CELF2: variants seen among roughly 807,000 people sequenced by gnomAD.
CELF2 encodes CUG triplet repeat RNA-binding protein 2.
Under a neutral mutation model 62.6 loss-of-function variants are expected in CELF2, and 8 were observed. That is an observed-to-expected ratio of 0.13 (90% CI 0.07 to 0.23). CELF2 has a LOEUF of 0.23. CELF2 is among the 10% of genes least tolerant of loss of function. The probability of loss-of-function intolerance (pLI) is 1.00; values close to 1 mark genes in which losing one functional copy is unlikely to be tolerated. For synonymous variants in CELF2, 258 were observed against 250.0 expected, an observed-to-expected ratio of 1.03 and a Z score of -0.30; for missense variants, 333 against 671.0, an observed-to-expected ratio of 0.50 and a Z score of 5.56.
At chr10:10,625,308 G>A in the CELF2 span, among the ~76,000 whole-genome samples, 2 of 152,260 alleles carry the variant, frequency 1.3e-5, no homozygotes, top group African/African-American at 4.8e-5. Flanking sequence ...CACAAGAACG[G>A]CAACAGCAAC....
At chr10:10,498,609 G>C in the CELF2 span, among the ~76,000 whole-genome samples, 3 of 152,200 alleles carry the variant, frequency 2.0e-5, no homozygotes, top group Non-Finnish European at 4.4e-5. Context: ...TTTTCAGCAA[G>C]TGTTATCTTG....
the CELF2 span, among the ~76,000 whole-genome samples, chr10:10,626,711 T>C: frequency 6.6e-6 from 1 of 152,234 alleles, no homozygotes; most frequent in East Asian, 1.9e-4. Flanking sequence ...CAGTTTATTG[T>C]CTATTTGGTG....
rs991269272 is a variant in CELF2, at chr10:11,012,415, C to T, written c.53+6975C>T. ...TGTATTTGTTCAGAAAAAGGACAGA[C>T]ATTCAGGCACATGGGCTGTCATGCC... On this transcript the variant is annotated intron_variant, in intron 1 of 12. Coordinates refer to the CELF2 transcript ENST00000416382. This position sits in a 1 kb window ranked among gnomAD's most constrained non-coding sequence, Gnocchi z 5.5. Among the ~76,000 whole-genome samples, 4 of 152,190 alleles carry T rather than the reference C, an allele frequency of 2.6e-5. No individual in the cohort carries two copies. Among genetic ancestry groups the T allele is most frequent in the African/African-American group, 7.2e-5 (3 of 41,442 alleles).
intron 2 of CELF2, among the ~76,000 whole-genome samples, chr10:11,173,934 A>G (rs1367155381): frequency 6.6e-6 from 1 of 152,218 alleles, no homozygotes; most frequent in African/African-American, 2.4e-5. Flanking sequence ...GAAAATAGAA[A>G]TGATGACGAT....
intron 3 of CELF2, among the ~76,000 whole-genome samples, chr10:11,245,890 GC>G (rs2075446955): frequency 6.6e-6 from 1 of 152,232 alleles, no homozygotes; most frequent in African/African-American, 2.4e-5. Flanking sequence ...TTATGGAGAA[GC>G]AGTGTGGTTT....
chr10:10,770,929 C>T, the CELF2 span, among the ~76,000 whole-genome samples: 4 of 152,042 alleles, frequency 2.6e-5, no homozygotes, highest in African/African-American at 9.7e-5. Context: ...AATACTAAGC[C>T]CCTCTGGGCT....
At chr10:10,506,844 C>T in the CELF2 span, among the ~76,000 whole-genome samples, 5 of 151,480 alleles carry the variant, frequency 3.3e-5, no homozygotes, top group African/African-American at 1.2e-4. Context: ...TTTGTATTTT[C>T]AGTAAAGACG....
intron 1 of CELF2, among the ~76,000 whole-genome samples, chr10:11,116,377 G>C (rs1461317137): frequency 6.6e-6 from 1 of 152,194 alleles, no homozygotes; most frequent in Non-Finnish European, 1.5e-5. Flanking sequence ...AACTTAACAT[G>C]GTCAAGAAGC....
chr10:10,569,583 G>A, the CELF2 span, among the ~76,000 whole-genome samples: 327 of 152,294 alleles, frequency 2.1e-3, no homozygotes, highest in Non-Finnish European at 3.8e-3. Flanking sequence ...TGTGAAGCTA[G>A]GGTTAAGATG....
the CELF2 span, among the ~76,000 whole-genome samples, chr10:10,494,194 ACT>A: frequency 2.0e-5 from 3 of 152,066 alleles, no homozygotes; most frequent in African/African-American, 7.2e-5. Flanking sequence ...TGCAGGAATC[ACT>A]CTCTCTCCAG....
In CELF2 at chr10:11,299,058, A is replaced by AGG. The variant is rs546755389; in HGVS notation, c.976+10508_976+10509dup. Among the ~76,000 whole-genome samples the AGG allele has an allele frequency of 2.6e-3, 400 of 152,322 alleles. 1 individual carries two copies. Among genetic ancestry groups the AGG allele is most frequent in the African/African-American group, 9.0e-3 (374 of 41,568 alleles). ...TTCTGCTTTTGTGTTCTGCTGTTCA[A>AGG]GGGAACGGGGAACTTTCTACCTACC... On this transcript the variant is annotated intron_variant, in intron 9 of 12. Coordinates refer to ENST00000633077, the MANE Select transcript of CELF2 (RefSeq NM_001326342.2).
Position 11,156,729 on chromosome 10 carries a change from C to T in CELF2, c.75-8757C>T, listed in dbSNP as rs1030079875. Among the ~76,000 whole-genome samples the T allele has an allele frequency of 6.6e-6, 1 of 152,212 alleles. No individual in the cohort carries two copies. ...TGCACTTGATGGGGCTTCCGTGAAT[C>T]GCTGTTTCTGAGGTTCCGCGGTCAG... On this transcript the variant is annotated intron_variant, in intron 1 of 12. Coordinates refer to ENST00000633077, the MANE Select transcript of CELF2 (RefSeq NM_001326342.2). The surrounding 1 kb of genome is among the most constrained non-coding windows in gnomAD (Gnocchi z 4.3).
At chr10:10,619,021 G>C in the CELF2 span, among the ~76,000 whole-genome samples, 2 of 151,536 alleles carry the variant, frequency 1.3e-5, no homozygotes, top group Admixed American at 1.3e-4. Context: ...CCTGGCTGGC[G>C]CCATGTTGCC....
rs2095216319 is a variant in CELF2 at position 11,318,526 on chromosome 10, TGAG to T, written c.1097-2661_1097-2659del. 5.6e-6 allele frequency: 2 copies of T among 357,008 alleles called. No homozygotes were observed. The highest frequency in any genetic ancestry group is 3.8e-5 in the Admixed American group (1 of 26,076). The allele number at this position is 357,008 out of a possible 1,614,324, so 22.1% of individuals were successfully genotyped here. On this transcript the variant is annotated intron_variant, in intron 10 of 12. Transcript: ENST00000633077. The surrounding 1 kb of genome is among the most constrained non-coding windows in gnomAD (Gnocchi z 5.4). ...ACCCTTCCAGAAAGCAGATTAGCTC[TGAG>T]GTGTAGTCCAGAGACACAGCCAGCC... is the stretch of plus-strand genomic sequence containing the variant.
At chr10:10,715,218 A>G in the CELF2 span, among the ~76,000 whole-genome samples, 1 of 152,230 alleles carries the variant, frequency 6.6e-6, no homozygotes. Context: ...AATAGTTAAT[A>G]TAGTTAGTCA....
the CELF2 span, among the ~76,000 whole-genome samples, chr10:10,711,716 T>C: frequency 2.0e-5 from 3 of 152,146 alleles, no homozygotes; most frequent in African/African-American, 7.2e-5. Flanking sequence ...ACTCCGTCTC[T>C]ACTAAAAATA....
the CELF2 span, among the ~76,000 whole-genome samples, chr10:10,499,719 A>T: frequency 6.6e-6 from 1 of 152,178 alleles, no homozygotes; most frequent in African/African-American, 2.4e-5. Context: ...CTCCACTAAG[A>T]ATACAAAAAT....
rs1002647483 is a variant in CELF2, at chr10:11,156,371, G to A, written c.75-9115G>A. ...TATTAAATCTATTCATTCAGTAAAT[G>A]TGTTTTGAGGATGTGCTGAGACCAT... On this transcript the variant is annotated intron_variant, in intron 1 of 12. Coordinates refer to ENST00000633077, the MANE Select transcript of CELF2 (RefSeq NM_001326342.2). This position sits in a 1 kb window ranked among gnomAD's most constrained non-coding sequence, Gnocchi z 4.3. Among the ~76,000 whole-genome samples the A allele has an allele frequency of 2.6e-5, 4 of 152,148 alleles. No homozygotes were observed. Among genetic ancestry groups the A allele is most frequent in the Non-Finnish European group, 5.9e-5 (4 of 68,022 alleles).
intron 2 of CELF2, among the ~76,000 whole-genome samples, chr10:11,175,600 G>A (rs1051973179): frequency 7.2e-5 from 11 of 152,160 alleles, no homozygotes; most frequent in Non-Finnish European, 1.6e-4. Flanking sequence ...AGATGGTGGG[G>A]CAGCTCACCC....
Sources: allele counts gnomAD v4.1 joint callset (sites outside exome capture counted in the v4.1 genomes callset), GRCh38; gene constraint gnomAD v4.1.1; non-coding constraint Gnocchi (gnomAD v3.1); transcripts MANE v1.5; gene names NCBI Gene and HGNC (gene_info 2026-07-23, HGNC 2026-07-21).